CUX1: variants seen among roughly 807,000 people sequenced by gnomAD.
The protein encoded by CUX1 is protein CASP.
CUX1 carries 31 observed loss-of-function variants against 158.8 expected under a neutral mutation model. That is an observed-to-expected ratio of 0.20 (90% CI 0.15 to 0.26). The LOEUF (loss-of-function observed/expected upper bound fraction) is 0.26. Among genes scored for constraint, CUX1 ranks in the 10% least tolerant of loss-of-function variants. CUX1 has a pLI of 1.00. For synonymous variants in CUX1, 879 were observed against 862.1 expected (o/e 1.02, Z -0.34); for missense variants, 1,589 against 2,014.6 (o/e 0.79, Z 4.04).
intron 20 of CUX1, among the ~76,000 whole-genome samples, chr7:102,216,769 C>T (rs1321219799): frequency 4.1e-5 from 6 of 146,944 alleles, no homozygotes; most frequent in African/African-American, 1.5e-4. Context: ...CACTCTTCCA[C>T]ACACACTCTC....
intron 8 of CUX1, among the ~76,000 whole-genome samples, chr7:102,117,542 C>T (rs1831560133): frequency 2.0e-5 from 3 of 152,042 alleles, no homozygotes; most frequent in African/African-American, 7.2e-5. Flanking sequence ...AGGTGAGGGC[C>T]CCCTCGAGGG....
chr7:102,052,753 G>C (rs1438233895), intron 3 of CUX1, among the ~76,000 whole-genome samples: 3 of 152,156 alleles, frequency 2.0e-5, no homozygotes, highest in African/African-American at 4.8e-5. Flanking sequence ...TTACATTTCT[G>C]TCAGCAATGT....
At chr7:101,964,934 A>G (rs980002236) in intron 2 of CUX1, among the ~76,000 whole-genome samples, 1 of 152,230 alleles carries the variant, frequency 6.6e-6, no homozygotes, top group African/African-American at 2.4e-5. Context: ...TCCAGGGAGC[A>G]GCAGATGAGA....
intron 20 of CUX1, among the ~76,000 whole-genome samples, chr7:102,220,667 C>A (rs1797714701): frequency 6.6e-6 from 1 of 152,204 alleles, no homozygotes; most frequent in Non-Finnish European, 1.5e-5. Context: ...ACACCGGGCA[C>A]CTCAGAGCCT....
rs372619733 is a variant in CUX1, at chr7:102,142,199, C to T, written c.675-16361C>T. Reference sequence around the variant, plus strand: ...AGGAGGCAGATGAGAGAGAGAAGCCCGCGTCTTGTCCAAAATATGATTTGG... The same window carrying T: ...AGGAGGCAGATGAGAGAGAGAAGCCTGCGTCTTGTCCAAAATATGATTTGG... On this transcript the variant is annotated intron_variant, in intron 8 of 23. Coordinates refer to ENST00000292535, the MANE Select transcript of CUX1 (RefSeq NM_181552.4). 3.3e-5 allele frequency among the ~76,000 whole-genome samples: 5 copies of T among 152,198 alleles called. No homozygotes were observed. The East Asian group carries it at 5.8e-4, about 18-fold the overall frequency.
At chr7:101,909,217 G>A (rs1803122786) in intron 1 of CUX1, among the ~76,000 whole-genome samples, 1 of 149,638 alleles carries the variant, frequency 6.7e-6, no homozygotes, top group Admixed American at 6.6e-5. Context: ...GGGAGGCCGA[G>A]GCGGGAGGAT....
rs2132041235 is a variant in CUX1 at position 102,202,159 on chromosome 7, A to G, written c.2862A>G (p.Glu954=). 6.2e-7 allele frequency: 1 copy of G among 1,612,486 alleles called. No homozygotes were observed. The highest frequency in any genetic ancestry group is 1.7e-4 in the Middle Eastern group (1 of 6,052). The change falls in exon 18 of 24, where the codon GAA becomes GAG. Residue 954 remains glutamate (E), a synonymous_variant. Transcript: ENST00000292535. ...TCGAGCTCACCCGGCAGGTTAAGGA[A>G]AAGCTGGCCAAGAACGGCATCTGCC... ...DTIELTRQVK[E]KLAKNGICQR...
At chr7:102,098,340 G>A (rs992081831) in intron 5 of CUX1, among the ~76,000 whole-genome samples, 20 of 152,202 alleles carry the variant, frequency 1.3e-4, no homozygotes, top group African/African-American at 4.8e-5. Flanking sequence ...GGCCACGTGC[G>A]GTGGTTCACA....
intron 1 of CUX1, among the ~76,000 whole-genome samples, chr7:101,836,392 C>T (rs561090606): frequency 2.6e-5 from 4 of 152,186 alleles, no homozygotes; most frequent in African/African-American, 7.2e-5. Flanking sequence ...CTGGGCAATA[C>T]AGTGAGACCC....
In CUX1 at chr7:101,919,031, G is replaced by A. The variant is rs188967995; in HGVS notation, c.141+2806G>A. ...TGACCTCAGGTGATCCGCCCACCTC[G>A]GCCTCCCAAAGTGCTGGGATTACAG... On this transcript the variant is annotated intron_variant, in intron 2 of 23. Coordinates refer to ENST00000292535, the MANE Select transcript of CUX1 (RefSeq NM_181552.4). Among the ~76,000 whole-genome samples the A allele has an allele frequency of 8.0e-3, 1,212 of 152,194 alleles. 15 individuals are homozygous for A. Among genetic ancestry groups the A allele is most frequent in the African/African-American group, 0.028 (1,145 of 41,518 alleles).
chr7:101,992,709 G>A lies in CUX1; in HGVS notation c.142-35389G>A, dbSNP rs919373210. 3.9e-5 allele frequency among the ~76,000 whole-genome samples: 6 copies of A among 152,198 alleles called. No individual in the cohort carries two copies. In the South Asian group the frequency reaches 8.3e-4, roughly 21 times the overall value. On this transcript the variant is annotated intron_variant, in intron 2 of 23. Coordinates refer to ENST00000292535, the MANE Select transcript of CUX1 (RefSeq NM_181552.4). ...CTGGCCATTGTGGTGGCTTCTGGAA[G>A]ATGATGTGCCATACTGTTAGCAGGG...
downstream of CUX1, among the ~76,000 whole-genome samples, chr7:102,262,819 T>G (rs1234823042): frequency 3.9e-5 from 6 of 152,122 alleles, no homozygotes; most frequent in Non-Finnish European, 7.4e-5. Flanking sequence ...CACTCGCCCG[T>G]GAGCTAATAC....
chr7:102,116,328 C>T (rs1444475690), intron 8 of CUX1, among the ~76,000 whole-genome samples: 1 of 151,994 alleles, frequency 6.6e-6, no homozygotes, highest in Non-Finnish European at 1.5e-5. Flanking sequence ...GCCTGGTGGT[C>T]AGAATGGATT....
chr7:101,967,611 C>T (rs544794855), intron 2 of CUX1, among the ~76,000 whole-genome samples: 2 of 152,310 alleles, frequency 1.3e-5, no homozygotes, highest in African/African-American at 2.4e-5. Flanking sequence ...TGAAAAACTG[C>T]AAACACACAT....
Position 102,131,579 on chromosome 7 carries a change from A to G in CUX1, c.674+16306A>G, listed in dbSNP as rs148419974. ...CAGAGTCTTTAGTAAATGGTAGAAT[A>G]ACAAGCCAACTATGTAGAAGCCAGT... is the stretch of plus-strand genomic sequence containing the variant. On this transcript the variant is annotated intron_variant, in intron 8 of 23. Transcript: ENST00000292535. Among the ~76,000 whole-genome samples the G allele has an allele frequency of 4.9e-3, 752 of 152,086 alleles. 5 individuals are homozygous for G. Among genetic ancestry groups the G allele is most frequent in the African/African-American group, 0.017 (720 of 41,560 alleles).
At chr7:101,997,787 G>A (rs1459061387) in intron 2 of CUX1, among the ~76,000 whole-genome samples, 1 of 151,528 alleles carries the variant, frequency 6.6e-6, no homozygotes, top group Admixed American at 6.6e-5. Context: ...CCTGAGTCTG[G>A]GACAGGGTCT....
intron 22 of CUX1, among the ~76,000 whole-genome samples, chr7:102,235,902 G>A (rs1274587521): frequency 2.0e-5 from 3 of 151,978 alleles, no homozygotes; most frequent in East Asian, 3.9e-4. Flanking sequence ...CACCCAACCC[G>A]GGAAAGGACT....
chr7:102,195,759 C>G (rs1331710075), intron 14 of CUX1, among the ~76,000 whole-genome samples, 156 bp downstream of exon 14: 1 of 152,240 alleles, frequency 6.6e-6, no homozygotes, highest in Non-Finnish European at 1.5e-5. Flanking sequence ...GTGCCCTCCT[C>G]CTCACCGCTC....
intron 4 of CUX1, among the ~76,000 whole-genome samples, chr7:102,087,935 T>G (rs1346032978): frequency 1.3e-5 from 2 of 152,142 alleles, no homozygotes; most frequent in African/African-American, 4.8e-5. Flanking sequence ...TATTATGATA[T>G]AGGCACACTG....
Sources: allele counts gnomAD v4.1 joint callset (sites outside exome capture counted in the v4.1 genomes callset), GRCh38; gene constraint gnomAD v4.1.1; transcripts MANE v1.5; gene names NCBI Gene and HGNC (gene_info 2026-07-23, HGNC 2026-07-21).